RCHY1: variants seen among roughly 807,000 people sequenced by gnomAD.
RCHY1 encodes the protein ring finger and CHY zinc finger domain containing 1.
RCHY1 carries 21 observed loss-of-function variants against 41.6 expected under a neutral mutation model. That is an observed-to-expected ratio of 0.51 (90% confidence interval 0.36 to 0.73). RCHY1 has a LOEUF of 0.73. Among genes scored for constraint, RCHY1 ranks in the 30% least tolerant of loss-of-function variants. The pLI is 0.00. For missense variants in RCHY1, 265 were observed against 325.3 expected (o/e 0.81, Z 1.43); for synonymous variants, 79 against 102.9 (o/e 0.77, Z 1.41).
rs745607381 is a variant in RCHY1, at chr4:75,509,251, TATC to T, written c.133_135del (p.Asp45del). 1 of 1,613,506 alleles carries T rather than the reference TATC, an allele frequency of 6.2e-7. No individual in the cohort carries two copies. Among genetic ancestry groups the T allele is most frequent in the Non-Finnish European group, 8.5e-7 (1 of 1,179,668 alleles). On this transcript the variant is annotated inframe_deletion, in exon 2 of 9. Transcript: ENST00000324439. ...CGATCTAGTTGATGATCTTCATTGTTATCATGACACAAGCGGCAAGTATAAAGC... is the reference window on the plus strand; with the variant it reads ...CGATCTAGTTGATGATCTTCATTGTTATGACACAAGCGGCAAGTATAAAGC...
At position 75,514,357 on chromosome 4, in the gene RCHY1, C is replaced by A; in HGVS notation, c.-71G>T. 6.6e-7 allele frequency: 1 copy of A among 1,510,964 alleles called. No homozygotes were observed. Among genetic ancestry groups the A allele is most frequent in the Non-Finnish European group, 9.0e-7 (1 of 1,108,454 alleles). The allele number at this position is 1,510,964 out of a possible 1,614,324, so 93.6% of individuals were successfully genotyped here. On this transcript the variant is annotated 5_prime_UTR_variant, in exon 1 of 9. The change creates a new upstream start codon in the 5' untranslated region. Coordinates refer to ENST00000324439, the MANE Select transcript of RCHY1 (RefSeq NM_015436.4). ...AAAACCACGCCCAGAGAAGCTGCGC[C>A]TCTCTAGCACACCCCTCCCAGCCCC...
At chr4:75,499,624 A>G (rs980973999) in intron 3 of RCHY1, among the ~76,000 whole-genome samples, 1 of 152,192 alleles carries the variant, frequency 6.6e-6, no homozygotes, top group Non-Finnish European at 1.5e-5. Flanking sequence ...TTACAGCAAC[A>G]TGGATAGGAT....
At chr4:75,496,944 A>G (rs1260618208) in intron 3 of RCHY1, among the ~76,000 whole-genome samples, 1 of 152,148 alleles carries the variant, frequency 6.6e-6, no homozygotes, top group African/African-American at 2.4e-5. Flanking sequence ...CAGGGCATTA[A>G]AAGTTATTAT....
chr4:75,485,567 C>A (rs1721929003), intron 8 of RCHY1, among the ~76,000 whole-genome samples: 1 of 152,122 alleles, frequency 6.6e-6, no homozygotes, highest in Admixed American at 6.5e-5. Context: ...TTGGTTTGAG[C>A]AAATGATGGT....
upstream of RCHY1, chr4:75,514,568 A>G: frequency 3.1e-6 from 1 of 327,138 alleles, no homozygotes; most frequent in Non-Finnish European, 5.6e-6. Flanking sequence ...TACCCGCCCA[A>G]ATCTCAGGGC....
chr4:75,491,849 A>G lies in RCHY1; in HGVS notation c.450+40T>C, dbSNP rs774212407. On this transcript the variant is annotated intron_variant, in intron 5 of 8. Transcript: ENST00000324439. ...TAAACATCCAAGTATTTTAAATTCA[A>G]GAGCTGAGACTTCCAAAGTAAAAAA... 8.1e-6 allele frequency: 13 copies of G among 1,603,818 alleles called. No individual in the cohort carries two copies. In the East Asian group the frequency reaches 2.5e-4, roughly 30 times the overall value.
At chr4:75,504,217 C>T (rs776894486) in intron 3 of RCHY1, among the ~76,000 whole-genome samples, 2 of 152,152 alleles carry the variant, frequency 1.3e-5, no homozygotes, top group South Asian at 2.1e-4. Flanking sequence ...GTTATTTACA[C>T]GATGCACATG....
chr4:75,479,758 A>G lies in RCHY1; in HGVS notation c.*2780T>C, dbSNP rs1721381311. ...AAAATAATCCAAATAAACTATAGAT[A>G]CAAATTCTGCGGCAGGGCAACCTAA... is the stretch of plus-strand genomic sequence containing the variant. On this transcript the variant is annotated 3_prime_UTR_variant, in exon 9 of 9. Coordinates refer to ENST00000324439, the MANE Select transcript of RCHY1 (RefSeq NM_015436.4). 6.6e-6 allele frequency: 1 copy of G among 152,178 alleles called. No homozygotes were observed. Among genetic ancestry groups the G allele is most frequent in the African/African-American group, 2.4e-5 (1 of 41,462 alleles). 9.4% of individuals were successfully genotyped at this position (152,178 alleles called of 1,614,324 possible).
In RCHY1 at chr4:75,509,195, G is replaced by A. The variant is rs763470302; in HGVS notation, c.192C>T (p.Asn64=). ...RFKVKEVQCI[N]CEKIQHAQQT... The stretch of plus-strand genomic sequence containing the variant: ...ATCTTACATGTTGAATTTTTTCACA[G>A]TTTATGCACTGCACTTCCTTCACTT... The change falls in exon 2 of 9, where the codon AAC becomes AAT. Residue 64 remains asparagine, a synonymous_variant. Coordinates refer to ENST00000324439, the MANE Select transcript of RCHY1 (RefSeq NM_015436.4). The A allele has an allele frequency of 9.3e-6, 15 of 1,612,288 alleles. No homozygotes were observed. The East Asian group carries it at 3.3e-4, about 36-fold the overall frequency.
At chr4:75,501,989 T>G (rs1434364369) in intron 3 of RCHY1, among the ~76,000 whole-genome samples, 8 of 151,504 alleles carry the variant, frequency 5.3e-5, no homozygotes, top group African/African-American at 1.9e-4. Flanking sequence ...GAGGCAGGAC[T>G]TGAACCCAGG....
intron 3 of RCHY1, among the ~76,000 whole-genome samples, chr4:75,505,222 C>T (rs1724180592): frequency 6.6e-6 from 1 of 152,154 alleles, no homozygotes; most frequent in Middle Eastern, 3.2e-3. Flanking sequence ...ACTGATGTGA[C>T]AGGAGGCAGA....
intron 2 of RCHY1, 25 bp downstream of exon 2, chr4:75,509,152 A>C: frequency 6.3e-7 from 1 of 1,596,638 alleles, no homozygotes; most frequent in Non-Finnish European, 8.5e-7. Flanking sequence ...TTTAAAAAGA[A>C]AATAGAAATG....
intron 3 of RCHY1, among the ~76,000 whole-genome samples, chr4:75,501,606 G>A (rs1392764126): frequency 6.6e-6 from 1 of 152,114 alleles, no homozygotes; most frequent in Non-Finnish European, 1.5e-5. Flanking sequence ...TATAACGTGA[G>A]TCACATATTA....
At chr4:75,490,456 CATCA>C (rs1461969028) in intron 8 of RCHY1, 121 bp downstream of exon 8, 2 of 599,992 alleles carry the variant, frequency 3.3e-6, no homozygotes, top group Admixed American at 3.1e-5. Flanking sequence ...TTCCATTAAT[CATCA>C]CATTAGCATC....
intron 2 of RCHY1, 48 bp from the exon 3 acceptor site, chr4:75,508,983 G>A (rs953911919): frequency 7.3e-7 from 1 of 1,364,342 alleles, no homozygotes; most frequent in African/African-American, 1.5e-5. Context: ...AACATTTTGA[G>A]TTACCATTTG....
chr4:75,512,113 G>A (rs1724940195), intron 1 of RCHY1, among the ~76,000 whole-genome samples: 1 of 152,142 alleles, frequency 6.6e-6, no homozygotes, highest in African/African-American at 2.4e-5. Flanking sequence ...TCAGAAGCAG[G>A]TGAATATGGC....
intron 3 of RCHY1, among the ~76,000 whole-genome samples, chr4:75,506,240 A>G (rs906337127): frequency 3.3e-5 from 5 of 151,038 alleles, no homozygotes; most frequent in Admixed American, 6.6e-5. Context: ...ATTCTCTCTG[A>G]AAAAAAAATA....
At chr4:75,512,779 T>A (rs1001876379) in intron 1 of RCHY1, among the ~76,000 whole-genome samples, 5 of 151,882 alleles carry the variant, frequency 3.3e-5, no homozygotes, top group African/African-American at 1.2e-4. Context: ...CTTGTCAAGA[T>A]CACCAGTGAC....
At position 75,494,148 on chromosome 4, in the gene RCHY1, A is replaced by G. The variant is rs762388678; in HGVS notation, c.358T>C (p.Leu120=). The part of the protein sequence containing the change: ...IGPKEDFFHC[L]KCNLCLAMNL... Reference sequence around the variant, plus strand: ...ATAGCTAGGCATAAGTTACATTTCAAACAATGGAAAAAATCTTCCTTTGGA... The same window carrying G: ...ATAGCTAGGCATAAGTTACATTTCAGACAATGGAAAAAATCTTCCTTTGGA... The change falls in exon 4 of 9, where the codon TTG becomes CTG. Residue 120 remains leucine (L), a synonymous_variant. Coordinates refer to ENST00000324439, the MANE Select transcript of RCHY1 (RefSeq NM_015436.4). 1.9e-6 allele frequency: 3 copies of G among 1,567,016 alleles called. No homozygotes were observed. The highest frequency in any genetic ancestry group is 2.6e-6 in the Non-Finnish European group (3 of 1,163,116).
Sources: allele counts gnomAD v4.1 joint callset (sites outside exome capture counted in the v4.1 genomes callset), GRCh38; gene constraint gnomAD v4.1.1; transcripts MANE v1.5; gene names NCBI Gene and HGNC (gene_info 2026-07-23, HGNC 2026-07-21).